Variants in EPS15 observed in about 807,000 individuals in gnomAD.
EPS15 encodes epidermal growth factor receptor substrate 15.
Under a neutral mutation model 113.8 loss-of-function variants are expected in EPS15, and 72 were observed. The ratio of observed to expected loss-of-function variants is 0.63; its 90% CI spans 0.52 to 0.77. The LOEUF is 0.77. EPS15 is among the 30% of genes least tolerant of loss of function. EPS15 has a pLI of 0.00. For synonymous variants in EPS15, 344 were observed against 363.4 expected, an observed-to-expected ratio of 0.95 and a Z score of 0.61; for missense variants, 1,048 against 1,045.8, an observed-to-expected ratio of 1.00 and a Z score of -0.03.
intron 1 of EPS15, among the ~76,000 whole-genome samples, chr1:51,496,886 G>A (rs1263942111): frequency 6.6e-6 from 1 of 152,112 alleles, no homozygotes; most frequent in Non-Finnish European, 1.5e-5. Context: ...ACTATCTAAT[G>A]TCTACTATGT....
intron 1 of EPS15, chr1:51,518,571 C>CA (rs1319953312): frequency 2.0e-5 from 3 of 152,768 alleles, no homozygotes. Context: ...AAGGGGCCGG[C>CA]AGAGTGGGTA....
At chr1:51,509,443 T>G (rs912217385) in intron 1 of EPS15, among the ~76,000 whole-genome samples, 1 of 152,108 alleles carries the variant, frequency 6.6e-6, no homozygotes, top group African/African-American at 2.4e-5. Context: ...GAGCCCAAGA[T>G]CTCTCTCATT....
intron 12 of EPS15, chr1:51,423,149 T>C (rs1394888327): frequency 3.9e-5 from 48 of 1,217,946 alleles, no homozygotes; most frequent in Non-Finnish European, 5.2e-5. Context: ...AGCATACAAA[T>C]AAAGCTATTT....
intron 15 of EPS15, among the ~76,000 whole-genome samples, chr1:51,406,389 T>C (rs570627655): frequency 1.3e-3 from 194 of 152,160 alleles, no homozygotes; most frequent in African/African-American, 4.3e-3. Context: ...GATGGGAGGA[T>C]CACTTGAGCC....
intron 12 of EPS15, among the ~76,000 whole-genome samples, chr1:51,430,977 T>TACATACAC (rs1400619042): frequency 8.2e-6 from 1 of 122,028 alleles, no homozygotes; most frequent in East Asian, 2.5e-4. Flanking sequence ...ATTACTTACA[T>TACATACAC]ACACACACAC....
intron 1 of EPS15, among the ~76,000 whole-genome samples, chr1:51,504,137 G>C (rs1360534513): frequency 6.6e-6 from 1 of 152,206 alleles, no homozygotes; most frequent in Non-Finnish European, 1.5e-5. Context: ...GGCCAGGCAA[G>C]GTGGCTTATG....
At chr1:51,438,846 C>T (rs1012573548) in intron 12 of EPS15, among the ~76,000 whole-genome samples, 4 of 151,744 alleles carry the variant, frequency 2.6e-5, no homozygotes, top group Non-Finnish European at 4.4e-5. Context: ...TGTCTCTTAA[C>T]GTGATGTGTG....
intron 24 of EPS15, among the ~76,000 whole-genome samples, chr1:51,358,893 G>A (rs1227461251): frequency 4.6e-5 from 7 of 151,276 alleles, no homozygotes; most frequent in East Asian, 3.9e-4. Flanking sequence ...TAGTAGAGAC[G>A]GGGTTTCACC....
chr1:51,415,796 C>CAAAAAAAAA (rs55806131), intron 13 of EPS15, among the ~76,000 whole-genome samples: 2 of 21,966 alleles, frequency 9.1e-5, no homozygotes, highest in African/African-American at 1.7e-4. Flanking sequence ...AACTCCGTCT[C>CAAAAAAAAA]AAAAAAAAAA....
intron 2 of EPS15, among the ~76,000 whole-genome samples, chr1:51,476,465 AT>A (rs1643903959): frequency 6.6e-6 from 1 of 151,688 alleles, no homozygotes; most frequent in South Asian, 2.1e-4. Context: ...TTTCTTCTAG[AT>A]TTTCTAGTTT....
At chr1:51,402,587 T>C (rs2148419415) in intron 17 of EPS15, 62 bp from the exon 18 acceptor site, 2 of 881,944 alleles carry the variant, frequency 2.3e-6, no homozygotes, top group South Asian at 1.6e-5. Context: ...GGTAACATTT[T>C]AAAATAAAAT....
At chr1:51,417,315 C>T (rs193073836) in intron 13 of EPS15, among the ~76,000 whole-genome samples, 1 of 152,282 alleles carries the variant, frequency 6.6e-6, no homozygotes. Context: ...AGAAGTCTGA[C>T]TTTTCATGAT....
At chr1:51,458,724 G>A (rs1311132730) in intron 8 of EPS15, 2 of 226,282 alleles carry the variant, frequency 8.8e-6, no homozygotes, top group East Asian at 1.6e-4. Context: ...GTGACAGAGT[G>A]AGACTCCGTC....
intron 1 of EPS15, among the ~76,000 whole-genome samples, chr1:51,495,962 T>C (rs1185966577): frequency 6.6e-6 from 1 of 152,214 alleles, no homozygotes; most frequent in Admixed American, 6.5e-5. Flanking sequence ...CAATCAGTAA[T>C]CAAATGTTGC....
At chr1:51,416,091 C>G (rs1026932889) in intron 13 of EPS15, among the ~76,000 whole-genome samples, 3 of 152,140 alleles carry the variant, frequency 2.0e-5, no homozygotes, top group African/African-American at 7.2e-5. Flanking sequence ...ACCTCTCTCT[C>G]TCTTCCTGCT....
intron 1 of EPS15, among the ~76,000 whole-genome samples, chr1:51,499,608 TC>T (rs1644379876): frequency 6.6e-6 from 1 of 152,002 alleles, no homozygotes; most frequent in Non-Finnish European, 1.5e-5. Flanking sequence ...ATCTCCAAAT[TC>T]CTTCTTTTTC....
At chr1:51,517,314 T>G (rs1644738265) in intron 1 of EPS15, among the ~76,000 whole-genome samples, 1 of 152,224 alleles carries the variant, frequency 6.6e-6, no homozygotes, top group African/African-American at 2.4e-5. Context: ...ACTGATTCCG[T>G]ACTTACTGTG....
In EPS15 at chr1:51,447,097, T is replaced by C. The variant is rs770075690; in HGVS notation, c.660A>G (p.Val220=). The change falls in exon 10 of 25, where the codon GTA becomes GTG. Residue 220 remains valine, a synonymous_variant. Transcript: ENST00000371733. ...VPPSKRKTWV[V]SPAEKAKYDE... is the part of the protein sequence containing the mutation. ...CATATTTAGCTTTTTCTGCAGGGGA[T>C]ACAACCCACTACAGGGAGGAAAAAA... is the stretch of plus-strand genomic sequence containing the variant. 3.7e-6 allele frequency: 6 copies of C among 1,605,784 alleles called. No individual in the cohort carries two copies. Among genetic ancestry groups the C allele is most frequent in the Admixed American group, 1.7e-5 (1 of 57,598 alleles).
At chr1:51,369,359 G>GT (rs1023200647) in intron 21 of EPS15, among the ~76,000 whole-genome samples, 1 of 152,164 alleles carries the variant, frequency 6.6e-6, no homozygotes, top group African/African-American at 2.4e-5. Flanking sequence ...CAGATCACGC[G>GT]TAAGATACCT....
Sources: allele counts gnomAD v4.1 joint callset (sites outside exome capture counted in the v4.1 genomes callset), GRCh38; gene constraint gnomAD v4.1.1; transcripts MANE v1.5; gene names NCBI Gene and HGNC (gene_info 2026-07-23, HGNC 2026-07-21).